Variants in AUTS2 observed in about 807,000 individuals in gnomAD.
AUTS2 encodes the protein autism susceptibility gene 2 protein.
AUTS2 carries 17 observed loss-of-function variants against 112.4 expected under a neutral mutation model. That is an observed-to-expected ratio of 0.15 (90% confidence interval 0.10 to 0.23). AUTS2 has a LOEUF of 0.23. Among genes scored for constraint, AUTS2 ranks in the 10% least tolerant of loss-of-function variants. AUTS2 has a pLI of 1.00. For missense variants in AUTS2, 1,510 were observed against 1,701.6 expected, an observed-to-expected ratio of 0.89 and a Z score of 1.98; for synonymous variants, 751 against 702.7, an observed-to-expected ratio of 1.07 and a Z score of -1.09.
chr7:70,224,819 G>C (rs1474132634), intron 4 of AUTS2, among the ~76,000 whole-genome samples: 2 of 152,022 alleles, frequency 1.3e-5, no homozygotes, highest in African/African-American at 4.8e-5. Context: ...GATATGTTTA[G>C]ATACACAAAT....
At chr7:70,481,578 G>A (rs1216160864) in intron 5 of AUTS2, among the ~76,000 whole-genome samples, 2 of 152,126 alleles carry the variant, frequency 1.3e-5, no homozygotes, top group Non-Finnish European at 2.9e-5. Flanking sequence ...ACTGAGCTGG[G>A]CCTACTGCAG....
intron 4 of AUTS2, among the ~76,000 whole-genome samples, chr7:70,296,399 G>T (rs557665792): frequency 6.6e-6 from 1 of 152,118 alleles, no homozygotes; most frequent in Non-Finnish European, 1.5e-5. Flanking sequence ...GAAAACACAC[G>T]AAATACAATG....
chr7:69,881,775 T>A (rs1173401409), intron 1 of AUTS2, among the ~76,000 whole-genome samples: 1 of 152,134 alleles, frequency 6.6e-6, no homozygotes, highest in Non-Finnish European at 1.5e-5. Flanking sequence ...GAAGGCAGAT[T>A]TAGGAAGAAA....
At chr7:69,614,314 C>CTCTTTCTTTCTTTCTTTCTT (rs763131370) in intron 1 of AUTS2, among the ~76,000 whole-genome samples, 2,129 of 83,268 alleles carry the variant, frequency 0.026, 248 homozygotes, top group African/African-American at 0.04. Flanking sequence ...CACTCTCCGT[C>CTCTTTCTTTCTTTCTTTCTT]TCTTTCTTTC....
chr7:69,672,169 C>T (rs1209933427), intron 1 of AUTS2, among the ~76,000 whole-genome samples: 1 of 152,094 alleles, frequency 6.6e-6, no homozygotes, highest in Non-Finnish European at 1.5e-5. Context: ...AAGCAATTCT[C>T]CTGCCTCAGC....
chr7:69,907,874 G>C (rs539618160), intron 2 of AUTS2, among the ~76,000 whole-genome samples: 1 of 152,328 alleles, frequency 6.6e-6, no homozygotes, highest in African/African-American at 2.4e-5. Context: ...GCTGCCCCCA[G>C]CTGCAGGATT....
At chr7:70,295,110 T>A (rs1252010944) in intron 4 of AUTS2, among the ~76,000 whole-genome samples, 1 of 152,214 alleles carries the variant, frequency 6.6e-6, no homozygotes, top group Middle Eastern at 3.2e-3. Context: ...TCCCAGCTCA[T>A]AAAATAGAAT....
intron 5 of AUTS2, among the ~76,000 whole-genome samples, chr7:70,660,145 C>A (rs182076865): frequency 1.1e-3 from 170 of 151,460 alleles, no homozygotes; most frequent in Middle Eastern, 6.9e-3. Context: ...CCACTGTACT[C>A]CAGCCTGAGC....
intron 5 of AUTS2, among the ~76,000 whole-genome samples, chr7:70,632,398 C>T (rs1397512090): frequency 6.6e-6 from 1 of 152,016 alleles, no homozygotes; most frequent in East Asian, 1.9e-4. Context: ...TCATTAAGCC[C>T]CTTGGCCTTT....
chr7:70,692,675 G>A lies in AUTS2; in HGVS notation c.691-5894G>A, dbSNP rs571484054. 3.9e-5 allele frequency among the ~76,000 whole-genome samples: 6 copies of A among 152,204 alleles called. No individual in the cohort carries two copies. In the East Asian group the frequency reaches 5.8e-4, roughly 15 times the overall value. On this transcript the variant is annotated intron_variant, in intron 5 of 18. Transcript: ENST00000342771. ...ATTGTGCTACCAGTTTGGGGGAGGGGGTGATGAAGCTAGAGAGAGAAGGCT... is the reference window on the plus strand; with the variant it reads ...ATTGTGCTACCAGTTTGGGGGAGGGAGTGATGAAGCTAGAGAGAGAAGGCT...
intron 5 of AUTS2, among the ~76,000 whole-genome samples, chr7:70,451,744 C>T (rs992950567): frequency 1.3e-5 from 2 of 152,156 alleles, no homozygotes; most frequent in African/African-American, 4.8e-5. Flanking sequence ...CCCATGCCTT[C>T]TAGGGTCAGT....
chr7:70,676,927 C>CTCT (rs1807944355), intron 5 of AUTS2, among the ~76,000 whole-genome samples: 1 of 152,136 alleles, frequency 6.6e-6, no homozygotes, highest in Non-Finnish European at 1.5e-5. Context: ...CTCTGTTACA[C>CTCT]TCTTCAAAAA....
chr7:70,476,103 T>C (rs1000671397), intron 5 of AUTS2, among the ~76,000 whole-genome samples: 1 of 152,148 alleles, frequency 6.6e-6, no homozygotes, highest in Non-Finnish European at 1.5e-5. Context: ...AAAAAATAAG[T>C]ACTGATTGTC....
intron 4 of AUTS2, among the ~76,000 whole-genome samples, chr7:70,295,112 A>T (rs1788872375): frequency 6.6e-6 from 1 of 152,222 alleles, no homozygotes; most frequent in African/African-American, 2.4e-5. Context: ...CCAGCTCATA[A>T]AATAGAATTG....
intron 6 of AUTS2, among the ~76,000 whole-genome samples, chr7:70,728,613 C>T (rs866664665): frequency 6.8e-6 from 1 of 147,544 alleles, no homozygotes. Context: ...GAGGCTAAGG[C>T]GGGAAAATCA....
chr7:70,335,374 C>G (rs1304538789), intron 4 of AUTS2, among the ~76,000 whole-genome samples: 2 of 152,158 alleles, frequency 1.3e-5, no homozygotes, highest in African/African-American at 4.8e-5. Context: ...CTAATTAGTC[C>G]TCTCCTTCAA....
At chr7:69,720,114 A>G (rs1382503228) in intron 1 of AUTS2, among the ~76,000 whole-genome samples, 2 of 152,186 alleles carry the variant, frequency 1.3e-5, no homozygotes, top group African/African-American at 2.4e-5. Context: ...TTGGCATGGT[A>G]ATGTGTGTAA....
At chr7:70,032,945 G>A (rs981604632) in intron 2 of AUTS2, among the ~76,000 whole-genome samples, 3 of 152,100 alleles carry the variant, frequency 2.0e-5, no homozygotes, top group East Asian at 3.9e-4. Context: ...ACTGCATATG[G>A]TGTGACTATA....
In AUTS2 at chr7:69,994,706, G is replaced by A. The variant is rs1009409786; in HGVS notation, c.522+95208G>A. Among the ~76,000 whole-genome samples the A allele has an allele frequency of 8.5e-5, 13 of 152,300 alleles. 1 individual carries two copies. Among genetic ancestry groups the A allele is most frequent in the South Asian group, 4.1e-4 (2 of 4,822 alleles). On this transcript the variant is annotated intron_variant, in intron 2 of 18. Coordinates refer to ENST00000342771, the MANE Select transcript of AUTS2 (RefSeq NM_015570.4). ...CAGATTATCTGCTATTTACTGGTAT[G>A]TTGATTCGTGGACAGATGCTTCTCT...
Sources: allele counts gnomAD v4.1 joint callset (sites outside exome capture counted in the v4.1 genomes callset), GRCh38; gene constraint gnomAD v4.1.1; transcripts MANE v1.5; gene names NCBI Gene and HGNC (gene_info 2026-07-23, HGNC 2026-07-21).